The following EP300 variants were observed in gnomAD, a reference collection of about 807,000 sequenced individuals.
EP300 encodes histone acetyltransferase p300.
A neutral mutation model predicts 264.0 loss-of-function variants in EP300; 31 were observed. The ratio of observed to expected loss-of-function variants is 0.12; its 90% confidence interval spans 0.09 to 0.16. The LOEUF is 0.16. EP300 is among the 10% of genes least tolerant of loss of function. The pLI is 1.00. For missense variants in EP300, 2,766 were observed against 3,052.9 expected, an observed-to-expected ratio of 0.91 and a Z score of 2.21; for synonymous variants, 1,340 against 1,045.4, an observed-to-expected ratio of 1.28 and a Z score of -5.44.
intron 19 of EP300, chr22:41,158,743 AGTT>A (rs948493257): frequency 8.0e-6 from 4 of 501,472 alleles, no homozygotes; most frequent in Non-Finnish European, 7.3e-6. Context: ...CAACTTTGTG[AGTT>A]GTTGGCCTAG....
chr22:41,176,684 G>A, intron 30 of EP300, 89 bp from the exon 31 acceptor site: 2 of 1,612,512 alleles, frequency 1.2e-6, no homozygotes, highest in South Asian at 2.2e-5. Context: ...TTCTACGAAA[G>A]GGGCTTTTCT....
At chr22:41,101,593 A>G (rs188877947) in intron 1 of EP300, among the ~76,000 whole-genome samples, 118 of 151,614 alleles carry the variant, frequency 7.8e-4, no homozygotes, top group African/African-American at 2.8e-3. Context: ...TTGTATTTTT[A>G]GTAGAGATGG....
chr22:41,133,069 C>T (rs1431954435), intron 6 of EP300, among the ~76,000 whole-genome samples: 4 of 152,252 alleles, frequency 2.6e-5, no homozygotes, highest in Middle Eastern at 3.4e-3. Context: ...GTCTTGAACT[C>T]CTGGTCTTAA....
chr22:41,135,815 G>A lies in EP300; in HGVS notation c.1531G>A (p.Ala511Thr). 1.2e-6 allele frequency: 2 copies of A among 1,610,584 alleles called. No homozygotes were observed. Among genetic ancestry groups the A allele is most frequent in the Non-Finnish European group, 1.7e-6 (2 of 1,176,844 alleles). Residue 511 changes from alanine (A) to threonine (T), a missense_variant and splice_region_variant, in exon 7 of 31, where the codon GCT becomes ACT. Ala to Thr is a moderately conservative substitution (Grantham distance 58). Transcript: ENST00000263253. ...QGMRPMSNMSASPMGVNGGVG... is the reference protein window; with the variant it reads ...QGMRPMSNMSTSPMGVNGGVG... ...CCTGTTATTTCATTTTGACTTAGGT[G>A]CTAGTCCTATGGGAGTAAATGGAGG...
intron 29 of EP300, chr22:41,174,896 C>G (rs919928324): frequency 2.6e-5 from 4 of 152,094 alleles, no homozygotes; most frequent in African/African-American, 9.7e-5. Context: ...TCATGGTGAA[C>G]ACCTATATAC....
chr22:41,139,509 C>G (rs1361927099), intron 8 of EP300, among the ~76,000 whole-genome samples: 2 of 152,136 alleles, frequency 1.3e-5, no homozygotes, highest in Non-Finnish European at 2.9e-5. Flanking sequence ...TCTTCTTGAT[C>G]TGGTTCCTTC....
In EP300 at chr22:41,179,871, A is replaced by ACC. The variant is rs1161532977; in HGVS notation, c.*920_*921dup. ...TGCTTGCTTTCTTCCTCCTTACCCTACCCCCCACTCACACACACACACACA... is the reference window on the plus strand; with the variant it reads ...TGCTTGCTTTCTTCCTCCTTACCCTACCCCCCCCACTCACACACACACACACA... On this transcript the variant is annotated 3_prime_UTR_variant, in exon 31 of 31. Transcript: ENST00000263253. 12 of 146,164 alleles carry ACC rather than the reference A, an allele frequency of 8.2e-5. No homozygotes were observed. The highest frequency in any genetic ancestry group is 1.2e-4 in the Non-Finnish European group (9 of 73,282). 9.1% of individuals were successfully genotyped at this position (146,164 alleles called of 1,614,324 possible). A position where few individuals can be genotyped will look rare whatever the true frequency, so the allele number is the denominator to read the frequency against.
intron 25 of EP300, 89 bp from the exon 26 acceptor site, chr22:41,169,414 T>G: frequency 1.2e-6 from 1 of 812,794 alleles, no homozygotes; most frequent in Non-Finnish European, 2.1e-6. Flanking sequence ...CCTGGGAGAG[T>G]GAGAGGGTGT....
intron 22 of EP300, among the ~76,000 whole-genome samples, chr22:41,164,705 A>ACT (rs760358182): frequency 1.1e-4 from 16 of 152,218 alleles, no homozygotes; most frequent in Non-Finnish European, 1.8e-4. Context: ...ACAGAGTGAG[A>ACT]CTCTGTCTCA....
chr22:41,114,156 G>A (rs1452673175), intron 1 of EP300, among the ~76,000 whole-genome samples: 3 of 152,058 alleles, frequency 2.0e-5, no homozygotes, highest in Non-Finnish European at 4.4e-5. Flanking sequence ...GGTCAGTTTT[G>A]TTACACATTT....
intron 27 of EP300, 78 bp from the exon 28 acceptor site, chr22:41,172,421 G>T: frequency 7.7e-7 from 1 of 1,306,666 alleles, no homozygotes; most frequent in Non-Finnish European, 1.1e-6. Context: ...CATGTTTCTT[G>T]TCAGCCATGA....
Position 41,179,161 on chromosome 22 carries a change from G to T in EP300, c.*205G>T. ...GATAGAATACAAAGAATATATTTTT[G>T]TTATGGCTGGTTACCACCAGCCTTT... On this transcript the variant is annotated 3_prime_UTR_variant, in exon 31 of 31. Coordinates refer to ENST00000263253, the MANE Select transcript of EP300 (RefSeq NM_001429.4). 1 of 617,612 alleles carries T rather than the reference G, an allele frequency of 1.6e-6. No individual in the cohort carries two copies. Among genetic ancestry groups the T allele is most frequent in the Non-Finnish European group, 2.8e-6 (1 of 359,888 alleles). 38.3% of individuals were successfully genotyped at this position (617,612 alleles called of 1,614,324 possible).
chr22:41,170,607 G>A (rs1160114517), intron 27 of EP300, 36 bp downstream of exon 27: 1 of 1,462,872 alleles, frequency 6.8e-7, no homozygotes, highest in Non-Finnish European at 9.4e-7. Flanking sequence ...GCTGACAATA[G>A]ATCTGGAAAT....
At chr22:41,160,903 C>T (rs1023290697) in intron 20 of EP300, among the ~76,000 whole-genome samples, 181 bp downstream of exon 20, 3 of 152,186 alleles carry the variant, frequency 2.0e-5, no homozygotes, top group Admixed American at 6.6e-5. Flanking sequence ...ACTCACATTT[C>T]AACTGTTCAG....
At chr22:41,106,097 G>T (rs1468067930) in intron 1 of EP300, among the ~76,000 whole-genome samples, 1 of 152,036 alleles carries the variant, frequency 6.6e-6, no homozygotes, top group Non-Finnish European at 1.5e-5. Flanking sequence ...ATTTACAGAG[G>T]GTTAAAGTAA....
rs60283061 is a variant in EP300, at chr22:41,179,533, T to TAAA, written c.*590_*592dup. On this transcript the variant is annotated 3_prime_UTR_variant, in exon 31 of 31. Transcript: ENST00000263253. ...GATGTTCATTCTTTTAAAAAATGTT[T>TAAA]AAAAAAAAAAAAAAACTGCCTTTCT... The TAAA allele has an allele frequency of 7.5e-4, 124 of 165,014 alleles. No homozygotes were observed. Among genetic ancestry groups the TAAA allele is most frequent in the Non-Finnish European group, 1.1e-3 (89 of 79,532 alleles). The allele number at this position is 165,014 out of a possible 1,614,324, so 10.2% of individuals were successfully genotyped here. A position where few individuals can be genotyped will look rare whatever the true frequency, so the allele number is the denominator to read the frequency against.
chr22:41,158,791 A>C (rs756871743), intron 19 of EP300: 1 of 408,854 alleles, frequency 2.4e-6, no homozygotes, highest in South Asian at 2.4e-5. Context: ...TTCTCTTTCT[A>C]CTGTGTGTTT....
At chr22:41,122,667 AT>A (rs927898372) in intron 2 of EP300, among the ~76,000 whole-genome samples, 6 of 151,678 alleles carry the variant, frequency 4.0e-5, no homozygotes, top group African/African-American at 9.7e-5. Flanking sequence ...ATTAATTTAC[AT>A]TTTTTTGTTT....
At chr22:41,145,880 C>T (rs1022713805) in intron 10 of EP300, among the ~76,000 whole-genome samples, 1 of 151,980 alleles carries the variant, frequency 6.6e-6, no homozygotes, top group Admixed American at 6.6e-5. Context: ...CGTGATCCGC[C>T]CGCCTCGGCC....
Sources: allele counts gnomAD v4.1 joint callset (sites outside exome capture counted in the v4.1 genomes callset), GRCh38; gene constraint gnomAD v4.1.1; transcripts MANE v1.5; gene names NCBI Gene and HGNC (gene_info 2026-07-23, HGNC 2026-07-21).